Variants in CPNE4 observed in about 807,000 individuals in gnomAD.
CPNE4 encodes copine 4, also known as copine-4.
In CPNE4, 25 loss-of-function variants were observed where a neutral mutation model predicts 67.9. The observed-to-expected ratio is 0.37, with a 90% CI of 0.27 to 0.51. The LOEUF (loss-of-function observed/expected upper bound fraction) is 0.51, where lower values mean the gene tolerates loss of function less well. CPNE4 is among the 20% of genes least tolerant of loss of function. The probability of loss-of-function intolerance (pLI) is 0.93; values close to 1 mark genes in which losing one functional copy is unlikely to be tolerated. For synonymous variants in CPNE4, 242 were observed against 244.9 expected, an observed-to-expected ratio of 0.99 and a Z score of 0.11; for missense variants, 464 against 690.8, an observed-to-expected ratio of 0.67 and a Z score of 3.68.
upstream of CPNE4, among the ~76,000 whole-genome samples, chr3:132,037,215 C>T (rs145000852): frequency 6.6e-6 from 1 of 152,200 alleles, no homozygotes; most frequent in Non-Finnish European, 1.5e-5. Context: ...CAACTTGTGA[C>T]AAATATGGTT....
intron 1 of CPNE4, among the ~76,000 whole-genome samples, chr3:131,979,072 A>AT (rs536458263): frequency 3.1e-3 from 465 of 152,042 alleles, no homozygotes; most frequent in Non-Finnish European, 4.4e-3. Context: ...TATAATTTCA[A>AT]TTTTTTTAAT....
At chr3:132,015,475 G>GA (rs1460382435) in intron 1 of CPNE4, among the ~76,000 whole-genome samples, 1 of 151,214 alleles carries the variant, frequency 6.6e-6, no homozygotes, top group East Asian at 1.9e-4. Flanking sequence ...TCCTTAGAAG[G>GA]AAAAAGAGTC....
chr3:131,663,879 T>G (rs548424908), intron 7 of CPNE4, among the ~76,000 whole-genome samples: 2 of 152,152 alleles, frequency 1.3e-5, no homozygotes, highest in Non-Finnish European at 2.9e-5. Flanking sequence ...GGGACCTGCT[T>G]CTTCTTCTCT....
At chr3:131,980,675 A>G (rs949633751) in intron 1 of CPNE4, among the ~76,000 whole-genome samples, 1 of 151,472 alleles carries the variant, frequency 6.6e-6, no homozygotes, top group African/African-American at 2.4e-5. Context: ...TTAATAACTA[A>G]CCTCCTGAAT....
chr3:131,960,691 G>A (rs80303565), intron 1 of CPNE4, among the ~76,000 whole-genome samples: 3,495 of 152,264 alleles, frequency 0.023, 135 homozygotes, highest in African/African-American at 0.078. Flanking sequence ...GAACCTCACT[G>A]ATGCCAGCTG....
rs868334190 is a variant in CPNE4, at chr3:131,689,549, C to A, written c.508-3591G>T. On this transcript the variant is annotated intron_variant, in intron 5 of 15. Coordinates refer to ENST00000429747, the MANE Select transcript of CPNE4 (RefSeq NM_130808.3). ...ACAAACTAGGCAGTGAAGGAACATA[C>A]GTGAAAATAATAAGCCATCTTATGC... Among the ~76,000 whole-genome samples the A allele has an allele frequency of 5.4e-4, 78 of 144,492 alleles. 1 individual carries two copies. The highest frequency in any genetic ancestry group is 3.4e-3 in the Middle Eastern group (1 of 290). 94.8% of individuals were successfully genotyped at this position (144,492 alleles called of 152,430 possible).
At chr3:131,682,910 C>T (rs1442105299) in intron 6 of CPNE4, among the ~76,000 whole-genome samples, 2 of 152,124 alleles carry the variant, frequency 1.3e-5, no homozygotes, top group African/African-American at 4.8e-5. Context: ...TCTCCCTTGG[C>T]CACCACCACC....
intron 6 of CPNE4, among the ~76,000 whole-genome samples, chr3:131,673,573 T>C (rs1343694308): frequency 6.6e-6 from 1 of 151,866 alleles, no homozygotes; most frequent in Non-Finnish European, 1.5e-5. Context: ...GAATTCCTTT[T>C]ATTTGTAGCT....
chr3:131,646,947 G>A (rs2079683361), intron 7 of CPNE4, among the ~76,000 whole-genome samples: 1 of 152,150 alleles, frequency 6.6e-6, no homozygotes, highest in African/African-American at 2.4e-5. Context: ...CTCACAGATG[G>A]TACCATTCTG....
chr3:131,850,525 T>C (rs1215327666), intron 2 of CPNE4, among the ~76,000 whole-genome samples: 1 of 152,164 alleles, frequency 6.6e-6, no homozygotes, highest in East Asian at 1.9e-4. Flanking sequence ...CAATAAATGC[T>C]TCTTTTCAAG....
chr3:131,978,378 T>A (rs1168578959), intron 1 of CPNE4, among the ~76,000 whole-genome samples: 1 of 416 alleles, frequency 2.4e-3, no homozygotes, highest in African/African-American at 0.02. Flanking sequence ...ATATATATAT[T>A]TATATATTTA....
intron 1 of CPNE4, among the ~76,000 whole-genome samples, chr3:131,943,734 G>A (rs542514087): frequency 6.6e-6 from 1 of 151,946 alleles, no homozygotes; most frequent in South Asian, 2.1e-4. Flanking sequence ...ACATGACCTC[G>A]TATCTCCCCT....
intron 2 of CPNE4, among the ~76,000 whole-genome samples, chr3:131,807,596 A>G (rs184673209): frequency 5.7e-4 from 87 of 152,264 alleles, no homozygotes; most frequent in African/African-American, 1.7e-3. Context: ...TAGGTTAAAA[A>G]AAGAAAAGTG....
chr3:131,590,607 A>G (rs1938468142), intron 7 of CPNE4, among the ~76,000 whole-genome samples: 1 of 152,206 alleles, frequency 6.6e-6, no homozygotes. Flanking sequence ...TTAAGAGGTT[A>G]CAAAGAAATA....
intron 2 of CPNE4, among the ~76,000 whole-genome samples, chr3:131,744,100 C>G (rs923852381): frequency 6.7e-6 from 1 of 150,246 alleles, no homozygotes; most frequent in Non-Finnish European, 1.5e-5. Flanking sequence ...TAAAAACTTG[C>G]AGATATATTT....
intron 2 of CPNE4, among the ~76,000 whole-genome samples, chr3:131,874,128 G>A (rs2087336247): frequency 6.7e-6 from 1 of 148,838 alleles, no homozygotes; most frequent in Non-Finnish European, 1.5e-5. Context: ...TCGCTCTGTC[G>A]CCCAGGCTGG....
At chr3:131,876,653 A>AAAAAAAAAG (rs762079430) in intron 2 of CPNE4, among the ~76,000 whole-genome samples, 95 of 140,738 alleles carry the variant, frequency 6.8e-4, no homozygotes, top group African/African-American at 1.4e-3. Context: ...AAAAAAAAAA[A>AAAAAAAAAG]AAAGAAAGAA....
At chr3:131,970,905 C>A (rs1038220497) in intron 1 of CPNE4, among the ~76,000 whole-genome samples, 1 of 152,226 alleles carries the variant, frequency 6.6e-6, no homozygotes, top group Non-Finnish European at 1.5e-5. Flanking sequence ...GCCTAACAAA[C>A]TGCCCCAAAA....
At chr3:131,894,695 A>G (rs6801724) in intron 2 of CPNE4, among the ~76,000 whole-genome samples, 41,250 of 151,842 alleles carry the variant, frequency 0.27, 5,802 homozygotes, top group Admixed American at 0.35. Context: ...GGCTATTATC[A>G]AGAAGACAAA....
Sources: gnomAD v4.1 joint callset for allele counts (sites outside exome capture counted in the v4.1 genomes callset) on GRCh38, gnomAD v4.1.1 for gene constraint, MANE v1.5 for transcripts, NCBI Gene and HGNC (gene_info 2026-07-23, HGNC 2026-07-21) for gene names.